Variants in HK1 observed in about 807,000 individuals in gnomAD.
The protein encoded by HK1 is hexokinase-1.
HK1 carries 28 observed loss-of-function variants against 91.6 expected under a neutral mutation model. The ratio of observed to expected loss-of-function variants is 0.31; its 90% confidence interval spans 0.23 to 0.42. The LOEUF is 0.42. HK1 is among the 10% of genes least tolerant of loss of function. The pLI, the probability that HK1 is intolerant of heterozygous loss-of-function variation, is 1.00. For missense variants in HK1, 770 were observed against 1,219.8 expected (o/e 0.63, Z 5.49); for synonymous variants, 430 against 468.1 (o/e 0.92, Z 1.05).
intron 10 of HK1, among the ~76,000 whole-genome samples, 162 bp downstream of exon 10, chr10:69,382,953 T>G (rs1418520169): frequency 1.3e-5 from 2 of 152,194 alleles, no homozygotes; most frequent in Admixed American, 1.3e-4. Context: ...TTTTATTAAC[T>G]GATTTGTCAT....
At chr10:69,317,466 G>A (rs906389090), upstream of HK1, among the ~76,000 whole-genome samples, 2 of 152,168 alleles carry the variant, frequency 1.3e-5, no homozygotes, top group African/African-American at 4.8e-5. Context: ...CTGAACCTAC[G>A]TCATCCCTCC....
At chr10:69,304,262 T>C (rs1846002238) in intron 5 of HK1, among the ~76,000 whole-genome samples, 1 of 149,648 alleles carries the variant, frequency 6.7e-6, no homozygotes, top group African/African-American at 2.4e-5. Context: ...CATCTTGTTG[T>C]ATTTTTATTT....
In HK1 at chr10:69,377,149, C is replaced by T. The variant is rs1706097081; in HGVS notation, c.1031+60C>T. ...TTGGGGCAGAGAAGAGCAATTGGTC[C>T]CTTGTTACTTCTTGAGTCCAAGTTT... is the stretch of plus-strand genomic sequence containing the variant. On this transcript the variant is annotated intron_variant, in intron 8 of 17. Transcript: ENST00000359426. The T allele has an allele frequency of 1.9e-6, 3 of 1,594,212 alleles. No homozygotes were observed. In the Admixed American group the frequency reaches 5.0e-5, roughly 27 times the overall value.
upstream of HK1, chr10:69,315,932 G>A (rs760402624): frequency 1.2e-6 from 2 of 1,613,512 alleles, no homozygotes; most frequent in South Asian, 1.1e-5. Context: ...GCCCTGTAAA[G>A]AGGAGTCTGG....
chr10:69,364,925 G>A (rs199512872), intron 4 of HK1, 23 bp downstream of exon 4: 608 of 1,613,804 alleles, frequency 3.8e-4, no homozygotes, highest in Non-Finnish European at 5.0e-4. Context: ...TGGGATTATC[G>A]GGCTCTGCAG....
intron 14 of HK1, among the ~76,000 whole-genome samples, chr10:69,391,293 T>C (rs539970098): frequency 6.6e-6 from 1 of 152,190 alleles, no homozygotes; most frequent in Non-Finnish European, 1.5e-5. Context: ...CATCCCAAGG[T>C]ATGTAGGAAA....
At chr10:69,286,846 C>T (rs989121033) in intron 2 of HK1, among the ~76,000 whole-genome samples, 9 of 152,290 alleles carry the variant, frequency 5.9e-5, no homozygotes, top group East Asian at 1.9e-4. Flanking sequence ...CCTCATGAGG[C>T]GCCTGGCCTC....
chr10:69,386,464 G>A, intron 13 of HK1, 46 bp downstream of exon 13: 1 of 1,468,654 alleles, frequency 6.8e-7, no homozygotes, highest in Non-Finnish European at 9.5e-7. Context: ...TGTTTTAGGG[G>A]CTTCTAAAAA....
At chr10:69,350,485 A>G (rs925052219) in intron 2 of HK1, among the ~76,000 whole-genome samples, 2 of 151,876 alleles carry the variant, frequency 1.3e-5, no homozygotes, top group African/African-American at 4.8e-5. Context: ...AAATGGTGAA[A>G]CTCCGTCTCT....
intron 12 of HK1, 30 bp downstream of exon 12, chr10:69,384,945 C>G (rs1254688941): frequency 6.2e-7 from 1 of 1,613,386 alleles, no homozygotes; most frequent in African/African-American, 1.3e-5. Flanking sequence ...GCTCAGTGAT[C>G]GGGCAGCACT....
At chr10:69,272,314 G>A (rs564113384) in intron 1 of HK1, among the ~76,000 whole-genome samples, 187 of 152,238 alleles carry the variant, frequency 1.2e-3, no homozygotes, top group African/African-American at 4.2e-3. Flanking sequence ...AGAAGCTTAC[G>A]GATATCACCT....
chr10:69,345,115 A>G (rs776534264), intron 2 of HK1, among the ~76,000 whole-genome samples: 1 of 152,166 alleles, frequency 6.6e-6, no homozygotes, highest in Non-Finnish European at 1.5e-5. Context: ...TGGTTGCAGC[A>G]GGAAAAGACC....
intron 2 of HK1, among the ~76,000 whole-genome samples, chr10:69,358,591 G>C (rs192158739): frequency 2.2e-4 from 33 of 152,352 alleles, no homozygotes; most frequent in African/African-American, 7.5e-4. Context: ...GCTGGGCACG[G>C]TGACTCACGC....
At position 69,382,598 on chromosome 10, in the gene HK1, G is replaced by T. The variant is rs150977497; in HGVS notation, c.1377G>T (p.Val459=). 6.2e-7 allele frequency: 1 copy of T among 1,614,084 alleles called. No individual in the cohort carries two copies. The highest frequency in any genetic ancestry group is 1.3e-5 in the African/African-American group (1 of 74,938). The part of the protein sequence containing the change: ...SGKGAAMVTA[V]AYRLAEQHRQ... ...AGGGGGCTGCCATGGTGACGGCGGTGGCCTACCGCTTGGCCGAGCAGCACC... is the reference window on the plus strand; with the variant it reads ...AGGGGGCTGCCATGGTGACGGCGGTTGCCTACCGCTTGGCCGAGCAGCACC... The change falls in exon 10 of 18, where the codon GTG becomes GTT. Residue 459 remains valine, a synonymous_variant. Transcript: ENST00000359426.
chr10:69,273,522 T>A (rs531029021), intron 1 of HK1, among the ~76,000 whole-genome samples: 2 of 152,006 alleles, frequency 1.3e-5, no homozygotes, highest in African/African-American at 4.8e-5. Context: ...AGCCTAACTT[T>A]TGTATTTTTA....
intron 1 of HK1, among the ~76,000 whole-genome samples, chr10:69,340,786 C>A (rs1023750046): frequency 3.5e-4 from 53 of 152,152 alleles, no homozygotes; most frequent in African/African-American, 1.2e-3. Flanking sequence ...TCAGTAAAGC[C>A]GTCCCAAGGC....
chr10:69,385,143 T>TC (rs1839572833), intron 12 of HK1, among the ~76,000 whole-genome samples: 1 of 152,156 alleles, frequency 6.6e-6, no homozygotes, highest in African/African-American at 2.4e-5. Flanking sequence ...CTTCTGGTCC[T>TC]CCAAGCAAAA....
At chr10:69,321,269 A>G (rs1847007022) in intron 1 of HK1, among the ~76,000 whole-genome samples, 1 of 152,218 alleles carries the variant, frequency 6.6e-6, no homozygotes. Context: ...TTCTAAGGAC[A>G]GTGACATAGT....
At chr10:69,328,357 A>AGG (rs1198174582) in intron 1 of HK1, among the ~76,000 whole-genome samples, 1 of 152,194 alleles carries the variant, frequency 6.6e-6, no homozygotes, top group Non-Finnish European at 1.5e-5. Flanking sequence ...CTTACAGGGA[A>AGG]GGGGGCATTC....
Sources: allele counts gnomAD v4.1 joint callset (sites outside exome capture counted in the v4.1 genomes callset), GRCh38; gene constraint gnomAD v4.1.1; transcripts MANE v1.5; gene names NCBI Gene and HGNC (gene_info 2026-07-23, HGNC 2026-07-21).